Variants in LRRIQ1 observed in about 807,000 individuals in gnomAD.
LRRIQ1 encodes leucine rich repeats and IQ motif containing 1.
LRRIQ1 carries 210 observed loss-of-function variants against 211.9 expected under a neutral mutation model. The observed-to-expected ratio is 0.99, with a 90% CI of 0.89 to 1.11. The LOEUF (loss-of-function observed/expected upper bound fraction) is 1.11, where lower values mean the gene tolerates loss of function less well. Ranked by LOEUF, LRRIQ1 falls within the 50% of genes most tolerant of loss-of-function variation. LRRIQ1 has a pLI of 0.00. For synonymous variants in LRRIQ1, 699 were observed against 650.1 expected (o/e 1.08, Z -1.14); for missense variants, 2,136 against 1,939.5 (o/e 1.10, Z -1.90).
chr12:85,082,260 A>G (rs1354120515), intron 11 of LRRIQ1, among the ~76,000 whole-genome samples: 3 of 152,120 alleles, frequency 2.0e-5, no homozygotes, highest in South Asian at 2.1e-4. Flanking sequence ...ACTTTCACCA[A>G]TGCAGTTAAG....
chr12:85,162,821 T>A (rs1027401681), intron 24 of LRRIQ1: 1 of 455,800 alleles, frequency 2.2e-6, no homozygotes, highest in Non-Finnish European at 4.4e-6. Flanking sequence ...GGCATTTCAT[T>A]AATTTCACTG....
chr12:85,067,169 G>A (rs933766091), intron 10 of LRRIQ1, among the ~76,000 whole-genome samples: 2 of 151,736 alleles, frequency 1.3e-5, no homozygotes, highest in African/African-American at 4.8e-5. Flanking sequence ...GAGCTCTATG[G>A]GAATATAACA....
chr12:85,252,858 C>A (rs1478400142), intron 1 of LRRIQ1, among the ~76,000 whole-genome samples: 1 of 151,840 alleles, frequency 6.6e-6, no homozygotes, highest in East Asian at 1.9e-4. Flanking sequence ...TGAGCACTAT[C>A]ATATATTGAG....
At chr12:85,106,490 G>A (rs1175990937) in intron 14 of LRRIQ1, 32 bp from the exon 15 acceptor site, 1 of 1,421,628 alleles carries the variant, frequency 7.0e-7, no homozygotes, top group Admixed American at 1.7e-5. Flanking sequence ...AATCTGTGAT[G>A]ATACCTTTCA....
At chr12:85,249,422 T>C (rs182065604), downstream of LRRIQ1, among the ~76,000 whole-genome samples, 1 of 152,012 alleles carries the variant, frequency 6.6e-6, no homozygotes, top group African/African-American at 2.4e-5. Context: ...AATGTGTGTG[T>C]CTGTGTGCAT....
intron 11 of LRRIQ1, among the ~76,000 whole-genome samples, chr12:85,080,246 T>G (rs1466980180): frequency 1.3e-5 from 2 of 152,040 alleles, no homozygotes; most frequent in African/African-American, 2.4e-5. Flanking sequence ...TTTTTTTCTT[T>G]GTCCATTTTG....
intron 24 of LRRIQ1, among the ~76,000 whole-genome samples, chr12:85,168,657 G>C (rs973985383): frequency 6.6e-6 from 1 of 152,048 alleles, no homozygotes; most frequent in East Asian, 1.9e-4. Flanking sequence ...TGTGAATCCT[G>C]GCTATGGGAG....
At chr12:85,222,980 A>G (rs1392968895) in intron 24 of LRRIQ1, among the ~76,000 whole-genome samples, 1 of 152,160 alleles carries the variant, frequency 6.6e-6, no homozygotes, top group East Asian at 1.9e-4. Flanking sequence ...ACTAGATCTT[A>G]TTTCTGATTA....
intron 11 of LRRIQ1, among the ~76,000 whole-genome samples, chr12:85,086,932 C>G (rs1416835682): frequency 2.7e-5 from 3 of 109,918 alleles, no homozygotes; most frequent in African/African-American, 1.6e-4. Flanking sequence ...TCAGATTGTT[C>G]TTCATTATTA....
intron 15 of LRRIQ1, among the ~76,000 whole-genome samples, chr12:85,111,897 C>T (rs898941215): frequency 6.6e-6 from 1 of 151,414 alleles, no homozygotes; most frequent in Non-Finnish European, 1.5e-5. Context: ...TGGAAGGGGA[C>T]ATATGTACCA....
Position 85,085,023 on chromosome 12 carries a change from C to T in LRRIQ1, c.2887+11925C>T, listed in dbSNP as rs535183818. Among the ~76,000 whole-genome samples, 4 of 152,114 alleles carry T rather than the reference C, an allele frequency of 2.6e-5. No homozygotes were observed. The East Asian group carries it at 5.8e-4, about 22-fold the overall frequency. The stretch of plus-strand genomic sequence containing the variant: ...ATTTTATAATGCCAAAAAGCATCCA[C>T]TTGTCAATTATGGTTGTAACATTTA... On this transcript the variant is annotated intron_variant, in intron 11 of 26. Transcript: ENST00000393217.
Position 85,197,977 on chromosome 12 carries a change from T to C in LRRIQ1, c.4823-31540T>C, listed in dbSNP as rs866340232. 9.2e-3 allele frequency among the ~76,000 whole-genome samples: 970 copies of C among 105,824 alleles called. 17 individuals are homozygous for C. The highest frequency in any genetic ancestry group is 0.037 in the African/African-American group (941 of 25,552). The allele number at this position is 105,824 out of a possible 152,430, so 69.4% of individuals were successfully genotyped here. On this transcript the variant is annotated intron_variant, in intron 24 of 26. Transcript: ENST00000393217. ...ATTATATATTATATATAAATATATA[T>C]AATTATATTATATATTATATATAAC...
At chr12:85,253,358 C>G (rs1324799715) in intron 1 of LRRIQ1, among the ~76,000 whole-genome samples, 1 of 151,964 alleles carries the variant, frequency 6.6e-6, no homozygotes, top group Non-Finnish European at 1.5e-5. Context: ...TAAGACTATT[C>G]CAAAATAGAC....
chr12:85,201,338 A>C (rs924883034), intron 24 of LRRIQ1, among the ~76,000 whole-genome samples: 2 of 150,166 alleles, frequency 1.3e-5, no homozygotes, highest in African/African-American at 2.5e-5. Context: ...TTCCTCATCA[A>C]TTTTTTTCAA....
intron 24 of LRRIQ1, among the ~76,000 whole-genome samples, chr12:85,175,254 A>G (rs1507214): frequency 0.23 from 35,004 of 152,108 alleles, 4,487 homozygotes; most frequent in Admixed American, 0.31. Flanking sequence ...AAGGAATTTC[A>G]TGATGATAGT....
rs75487867 is a variant in LRRIQ1 at position 85,036,405 on chromosome 12, G to C, written c.-27G>C. 6.6e-6 allele frequency: 1 copy of C among 152,254 alleles called. No homozygotes were observed. Among genetic ancestry groups the C allele is most frequent in the South Asian group, 2.1e-4 (1 of 4,822 alleles). The allele number at this position is 152,254 out of a possible 1,614,324, so 9.4% of individuals were successfully genotyped here. On this transcript the variant is annotated splice_region_variant and 5_prime_UTR_variant, in exon 1 of 27. Coordinates refer to ENST00000393217, the MANE Select transcript of LRRIQ1 (RefSeq NM_001079910.2). The stretch of plus-strand genomic sequence containing the variant: ...CAAAGCCAAGGAATCTCGCTGCTGA[G>C]GGGTGAGCCGGGGTCTTAAGACTGG...
chr12:85,105,173 A>G (rs539246644), intron 14 of LRRIQ1, among the ~76,000 whole-genome samples: 1 of 152,078 alleles, frequency 6.6e-6, no homozygotes, highest in South Asian at 2.1e-4. Flanking sequence ...CCTTTGTTTT[A>G]CCTATCAATT....
chr12:85,245,205 A>C (rs1224079813), downstream of LRRIQ1: 1 of 341,056 alleles, frequency 2.9e-6, no homozygotes, highest in African/African-American at 2.2e-5. Context: ...TAATTCTAAA[A>C]GAATTTTTTA....
At chr12:85,046,161 T>C (rs1425217331) in intron 5 of LRRIQ1, 24 bp downstream of exon 5, 3 of 1,353,662 alleles carry the variant, frequency 2.2e-6, no homozygotes, top group African/African-American at 1.4e-5. Context: ...CTCAATGATA[T>C]GTTTGTTGAT....
Sources: allele counts gnomAD v4.1 joint callset (sites outside exome capture counted in the v4.1 genomes callset), GRCh38; gene constraint gnomAD v4.1.1; transcripts MANE v1.5; gene names NCBI Gene and HGNC (gene_info 2026-07-23, HGNC 2026-07-21).